The following DNAAF2 variants were observed in gnomAD, a reference collection of about 807,000 sequenced individuals.
The protein encoded by DNAAF2 is protein kintoun.
A neutral mutation model predicts 48.8 loss-of-function variants in DNAAF2; 58 were observed. That is an observed-to-expected ratio of 1.19 (90% CI 0.96 to 1.48). The LOEUF (loss-of-function observed/expected upper bound fraction) is 1.48. DNAAF2 is among the 40% of genes most tolerant of loss of function. DNAAF2 has a pLI of 0.00. For synonymous variants in DNAAF2, 567 were observed against 481.2 expected (o/e 1.18, Z -2.33); for missense variants, 1,241 against 1,116.1 (o/e 1.11, Z -1.59).
rs1376051998 is a variant in DNAAF2 at position 49,625,829 on chromosome 14, A to AT, written c.2226dup (p.Ser743IlefsTer5). On this transcript the variant is annotated frameshift_variant, in exon 3 of 3. Coordinates refer to ENST00000298292, the MANE Select transcript of DNAAF2 (RefSeq NM_018139.3). LOFTEE classifies it high-confidence loss of function. ...TGCATTTTTGACTCAGGTTGCTGAG[A>AT]TTTTCCAAGTATCATTTGAGAAACA... The AT allele has an allele frequency of 6.2e-7, 1 of 1,608,928 alleles. No individual in the cohort carries two copies. Among genetic ancestry groups the AT allele is most frequent in the South Asian group, 1.1e-5 (1 of 89,402 alleles).
chr14:49,625,876 C>A lies in DNAAF2; in HGVS notation c.2180G>T (p.Cys727Phe), dbSNP rs771391643. The change falls in exon 3 of 3, where the codon TGC becomes TTC. Residue 727 changes from cysteine (C) to phenylalanine (F), a missense_variant. Coordinates refer to ENST00000298292, the MANE Select transcript of DNAAF2 (RefSeq NM_018139.3). ...AACATCAAGAGACTCTTGTTGAAAG[C>A]ATGTAACTAAACCAAAGCTATCTAT... Reference protein sequence around the residue: ...LQIDSFGLVTCFQQESLDVSQ... With the variant: ...LQIDSFGLVTFFQQESLDVSQ... The A allele has an allele frequency of 5.6e-6, 9 of 1,613,092 alleles. No homozygotes were observed. In the East Asian group the frequency reaches 2.0e-4, roughly 36 times the overall value.
rs1337210929 is a variant in DNAAF2, at chr14:49,633,396, G to C, written c.1754C>G (p.Pro585Arg). 2.5e-6 allele frequency: 4 copies of C among 1,613,940 alleles called. No homozygotes were observed. ...APENKLSTTE[P>R]VISISSNNAV... ...ATTGTTTGAAGAAATGCTAATCACAGGTTCTGTGGTACTCAATTTATTCTC... is the reference window on the plus strand; with the variant it reads ...ATTGTTTGAAGAAATGCTAATCACACGTTCTGTGGTACTCAATTTATTCTC... Residue 585 changes from proline (P) to arginine (R), a missense_variant, in exon 1 of 3, where the codon CCT becomes CGT. By Grantham distance (103) the Pro-to-Arg change is moderately radical. Transcript: ENST00000298292.
Position 49,634,850 on chromosome 14 carries a change from C to T in DNAAF2, c.300G>A (p.Ala100=), listed in dbSNP as rs1566513551. The change falls in exon 1 of 3, where the codon GCG becomes GCA. Residue 100 remains alanine, a synonymous_variant. Transcript: ENST00000298292. The stretch of plus-strand genomic sequence containing the variant: ...CACCGGAGCCGGGCCGGCTGCTGGG[C>T]GCGCCCACCAACGCGTTGCTGCAGA... ...VNVCSNALVG[A]PSSRPGSGGD... 2.6e-6 allele frequency: 4 copies of T among 1,545,840 alleles called. No homozygotes were observed. The highest frequency in any genetic ancestry group is 1.2e-5 in the South Asian group (1 of 84,086).
intron 1 of DNAAF2, among the ~76,000 whole-genome samples, chr14:49,628,592 T>C (rs1226057903): frequency 6.6e-6 from 1 of 152,068 alleles, no homozygotes; most frequent in East Asian, 1.9e-4. Context: ...GTAGCTGGGA[T>C]TACAGGCGAC....
rs747595279 is a variant in DNAAF2, at chr14:49,626,058, G to A, written c.2008-10C>T. On this transcript the variant is annotated splice_polypyrimidine_tract_variant and intron_variant, in intron 2 of 2. Transcript: ENST00000298292. ...TACTACATTCTTGCAACTGTGTCAA[G>A]AGAAACAACAAATTAATAATTATTT... is the stretch of plus-strand genomic sequence containing the variant. 4.2e-5 allele frequency: 59 copies of A among 1,414,784 alleles called. No individual in the cohort carries two copies. The East Asian group carries it at 1.4e-3, about 34-fold the overall frequency. The allele number at this position is 1,414,784 out of a possible 1,614,324, so 87.6% of individuals were successfully genotyped here. A position where few individuals can be genotyped will look rare whatever the true frequency, so the allele number is the denominator to read the frequency against.
In DNAAF2 at chr14:49,634,963, G is replaced by T; in HGVS notation, c.187C>A (p.Arg63Ser). ...EAEITALERE[R>S]GVEVRFVHPE... ...TGCACGAACCGCACTTCCACCCCGC[G>T]CTCACGCTCTAGCGCGGTGATCTCC... The change falls in exon 1 of 3, where the codon CGC becomes AGC. Residue 63 changes from arginine to serine, a missense_variant. Physicochemically the swap from Arg to Ser is moderately radical, Grantham distance 110. Coordinates refer to ENST00000298292, the MANE Select transcript of DNAAF2 (RefSeq NM_018139.3). The T allele has an allele frequency of 1.3e-6, 2 of 1,560,818 alleles. No individual in the cohort carries two copies. Among genetic ancestry groups the T allele is most frequent in the Admixed American group, 3.8e-5 (2 of 52,484 alleles).
chr14:49,625,898 C>T lies in DNAAF2; in HGVS notation c.2158G>A (p.Asp720Asn). The T allele has an allele frequency of 6.2e-7, 1 of 1,613,554 alleles. No individual in the cohort carries two copies. Among genetic ancestry groups the T allele is most frequent in the African/African-American group, 1.3e-5 (1 of 75,022 alleles). Reference sequence around the variant, plus strand: ...AAGCATGTAACTAAACCAAAGCTATCTATTTGTAGTGCTTTAACTGCTATA... The same window carrying T: ...AAGCATGTAACTAAACCAAAGCTATTTATTTGTAGTGCTTTAACTGCTATA... ...SSIAVKALQI[D>N]SFGLVTCFQQ... The change falls in exon 3 of 3, where the codon GAT (aspartate) becomes AAT (asparagine). Residue 720 changes from aspartate to asparagine, a missense_variant. Asp to Asn is a conservative substitution (Grantham distance 23, BLOSUM62 1). Coordinates refer to ENST00000298292, the MANE Select transcript of DNAAF2 (RefSeq NM_018139.3).
chr14:49,630,283 A>T (rs1419762618), intron 1 of DNAAF2, among the ~76,000 whole-genome samples: 1 of 152,000 alleles, frequency 6.6e-6, no homozygotes, highest in African/African-American at 2.4e-5. Flanking sequence ...CAAGATGCTG[A>T]CATGAAAAGA....
At position 49,635,058 on chromosome 14, in the gene DNAAF2, TC is replaced by T; in HGVS notation, c.91del (p.Glu31SerfsTer29). 6.3e-7 allele frequency: 1 copy of T among 1,585,980 alleles called. No homozygotes were observed. Among genetic ancestry groups the T allele is most frequent in the Non-Finnish European group, 8.6e-7 (1 of 1,167,022 alleles). ...GTACTGGGAGAACATTCGCCGGAACTCCGGGTCCTGGAAGGCGGAGGTGAGC... is the reference window on the plus strand; with the variant it reads ...GTACTGGGAGAACATTCGCCGGAACTCGGGTCCTGGAAGGCGGAGGTGAGC... The part of the protein sequence containing the change: ...QRLTSAFQDP[E>X]FRRMFSQYAE... On this transcript the variant is annotated frameshift_variant, in exon 1 of 3. Transcript: ENST00000298292. LOFTEE classifies it high-confidence loss of function.
Position 49,633,986 on chromosome 14 carries a change from C to T in DNAAF2, c.1164G>A (p.Ala388=). ...QACASAREGE[A]GPARSRAEDG... Reference sequence around the variant, plus strand: ...CCTCCGCGCGACTCCTCGCGGGTCCCGCCTCCCCCTCGCGAGCGGAAGCGC... The same window carrying T: ...CCTCCGCGCGACTCCTCGCGGGTCCTGCCTCCCCCTCGCGAGCGGAAGCGC... Residue 388 remains alanine, a synonymous_variant, in exon 1 of 3, where the codon GCG becomes GCA. Transcript: ENST00000298292. The T allele has an allele frequency of 6.6e-7, 1 of 1,524,756 alleles. No individual in the cohort carries two copies. The highest frequency in any genetic ancestry group is 8.8e-7 in the Non-Finnish European group (1 of 1,142,570). 94.5% of individuals were successfully genotyped at this position (1,524,756 alleles called of 1,614,324 possible).
chr14:49,634,276 A>G lies in DNAAF2; in HGVS notation c.874T>C (p.Leu292=), dbSNP rs2139582682. The change falls in exon 1 of 3, where the codon TTG becomes CTG. Residue 292 remains leucine, a synonymous_variant. Coordinates refer to ENST00000298292, the MANE Select transcript of DNAAF2 (RefSeq NM_018139.3). ...AGCGCCGCCTGCTCGGCCGAGCGCA[A>G]CAGCGGCAGTTCGATGGTGATCACC... ...ELVITIELPL[L]RSAEQAALEV... 2 of 1,612,206 alleles carry G rather than the reference A, an allele frequency of 1.2e-6. No individual in the cohort carries two copies. The highest frequency in any genetic ancestry group is 1.7e-6 in the Non-Finnish European group (2 of 1,179,766).
chr14:49,631,576 C>A (rs1056165963), intron 1 of DNAAF2, among the ~76,000 whole-genome samples: 15 of 151,994 alleles, frequency 9.9e-5, no homozygotes, highest in African/African-American at 1.4e-4. Flanking sequence ...AGTGAGTGAG[C>A]CGCCCCACTG....
Sources: gnomAD v4.1 joint callset for allele counts (sites outside exome capture counted in the v4.1 genomes callset) on GRCh38, gnomAD v4.1.1 for gene constraint, MANE v1.5 for transcripts, NCBI Gene and HGNC (gene_info 2026-07-23, HGNC 2026-07-21) for gene names.